POMGNT2: variants seen among roughly 807,000 people sequenced by gnomAD.
POMGNT2 encodes the protein protein O-linked-mannose beta-1,4-N-acetylglucosaminyltransferase 2.
POMGNT2 carries 32 observed loss-of-function variants against 37.8 expected under a neutral mutation model. The observed-to-expected ratio is 0.85, with a 90% confidence interval of 0.64 to 1.14. The LOEUF is 1.14. POMGNT2 is among the 50% of genes most tolerant of loss of function. POMGNT2 has a pLI of 0.00. For missense variants in POMGNT2, 705 were observed against 780.6 expected (o/e 0.90, Z 1.15); for synonymous variants, 340 against 336.8 (o/e 1.01, Z -0.10).
intron 1 of POMGNT2, among the ~76,000 whole-genome samples, chr3:43,102,304 A>G (rs1242131955): frequency 1.3e-5 from 2 of 152,232 alleles, no homozygotes; most frequent in Non-Finnish European, 2.9e-5. Flanking sequence ...CTCAGGGCTG[A>G]GGAGCAACTA....
intron 1 of POMGNT2, among the ~76,000 whole-genome samples, chr3:43,083,004 C>T (rs935638898): frequency 6.6e-6 from 1 of 152,106 alleles, no homozygotes; most frequent in Non-Finnish European, 1.5e-5. Flanking sequence ...AGTATGGAAG[C>T]TGGGATACAT....
chr3:43,095,001 G>A (rs890363377), intron 1 of POMGNT2, among the ~76,000 whole-genome samples: 8 of 152,318 alleles, frequency 5.3e-5, no homozygotes, highest in East Asian at 3.9e-4. Context: ...CTCCTGCTGC[G>A]TCTCAGTGCT....
chr3:43,102,593 C>T (rs564582797), intron 1 of POMGNT2, among the ~76,000 whole-genome samples: 5 of 152,304 alleles, frequency 3.3e-5, no homozygotes, highest in East Asian at 1.9e-4. Flanking sequence ...ATGCGAGAGG[C>T]GCTGTCTTAA....
intron 1 of POMGNT2, among the ~76,000 whole-genome samples, chr3:43,099,121 TGG>T (rs1355103081): frequency 6.6e-6 from 1 of 152,076 alleles, no homozygotes; most frequent in Non-Finnish European, 1.5e-5. Flanking sequence ...GTTTTCTAGG[TGG>T]AACTACAAAA....
At chr3:43,103,641 C>A (rs1041733322) in intron 1 of POMGNT2, among the ~76,000 whole-genome samples, 1 of 152,100 alleles carries the variant, frequency 6.6e-6, no homozygotes, top group East Asian at 1.9e-4. Flanking sequence ...CCACTTGGTG[C>A]GGGAAGACTC....
At position 43,106,068 on chromosome 3, in the gene POMGNT2, C is replaced by A. The variant is rs1047699046; in HGVS notation, c.-338G>T. The A allele has an allele frequency of 3.0e-4, 46 of 151,862 alleles. No individual in the cohort carries two copies. The highest frequency in any genetic ancestry group is 1.0e-3 in the African/African-American group (43 of 41,484). 9.4% of individuals were successfully genotyped at this position (151,862 alleles called of 1,614,324 possible). A position where few individuals can be genotyped will look rare whatever the true frequency, so the allele number is the denominator to read the frequency against. Reference sequence around the variant, plus strand: ...GCCTGCCCGGCGGGCGAGCCCGGCGCGGAGCCTGTGCGCCTGCGCAGAGCC... The same window carrying A: ...GCCTGCCCGGCGGGCGAGCCCGGCGAGGAGCCTGTGCGCCTGCGCAGAGCC... On this transcript the variant is annotated 5_prime_UTR_variant, in exon 1 of 2. Transcript: ENST00000344697.
chr3:43,095,181 C>CA (rs2125709265), intron 1 of POMGNT2, among the ~76,000 whole-genome samples: 1 of 152,358 alleles, frequency 6.6e-6, no homozygotes, highest in East Asian at 1.9e-4. Context: ...TGCTGCCTCT[C>CA]AGAGACAAGG....
chr3:43,091,178 C>G (rs1345859400), intron 1 of POMGNT2, among the ~76,000 whole-genome samples: 2 of 152,062 alleles, frequency 1.3e-5, no homozygotes, highest in African/African-American at 4.8e-5. Flanking sequence ...GGAACCAGAG[C>G]TCCTTGGAGA....
At position 43,079,423 on chromosome 3, in the gene POMGNT2, T is replaced by C; in HGVS notation, c.*266A>G. The C allele has an allele frequency of 2.3e-6, 1 of 430,620 alleles. No individual in the cohort carries two copies. The highest frequency in any genetic ancestry group is 4.1e-6 in the Non-Finnish European group (1 of 243,144). 26.7% of individuals were successfully genotyped at this position (430,620 alleles called of 1,614,324 possible). A position where few individuals can be genotyped will look rare whatever the true frequency, so the allele number is the denominator to read the frequency against. On this transcript the variant is annotated 3_prime_UTR_variant, in exon 2 of 2. Transcript: ENST00000344697. ...CTAGCCAGAGGTTCCTTGTGATTCT[T>C]TGCTTCCTCCTCTCCTCTTCCTCCT...
chr3:43,105,099 T>C lies in POMGNT2; in HGVS notation c.-106+737A>G, dbSNP rs1247739100. ...GCTTCTCCCAAGAGTACGCTCTAAG[T>C]GTTGGCTGGCAATAAAGTAGGCAGA... On this transcript the variant is annotated intron_variant, in intron 1 of 1. Transcript: ENST00000344697. 4.6e-5 allele frequency among the ~76,000 whole-genome samples: 7 copies of C among 152,202 alleles called. No homozygotes were observed. In the East Asian group the frequency reaches 1.3e-3, roughly 29 times the overall value.
chr3:43,103,012 G>A (rs1200725103), intron 1 of POMGNT2, among the ~76,000 whole-genome samples: 1 of 152,058 alleles, frequency 6.6e-6, no homozygotes, highest in East Asian at 1.9e-4. Flanking sequence ...GTGGCTTAGG[G>A]AGCTGTGGCC....
intron 1 of POMGNT2, among the ~76,000 whole-genome samples, chr3:43,081,746 T>A (rs2089858426): frequency 6.6e-6 from 1 of 152,212 alleles, no homozygotes; most frequent in Non-Finnish European, 1.5e-5. Flanking sequence ...TGTTGGAAAG[T>A]GCATCCCCAC....
At position 43,098,862 on chromosome 3, in the gene POMGNT2, T is replaced by A. The variant is rs973993235; in HGVS notation, c.-106+6974A>T. On this transcript the variant is annotated intron_variant, in intron 1 of 1. Transcript: ENST00000344697. This position sits in a 1 kb window ranked among gnomAD's most constrained non-coding sequence, Gnocchi z 4.3. ...GGACGTTCGGCCTTCCACCAGCTCA[T>A]ATGCAACCCTCTCACCGGTTTTCAG... Among the ~76,000 whole-genome samples the A allele has an allele frequency of 6.6e-6, 1 of 151,962 alleles. No individual in the cohort carries two copies. The highest frequency in any genetic ancestry group is 1.5e-5 in the Non-Finnish European group (1 of 67,982).
At chr3:43,085,080 G>C (rs1575465504) in intron 1 of POMGNT2, among the ~76,000 whole-genome samples, 1 of 152,208 alleles carries the variant, frequency 6.6e-6, no homozygotes, top group East Asian at 1.9e-4. Context: ...GTGGCTGGGA[G>C]GGGGAGGGAT....
At chr3:43,090,100 A>T (rs1190034954) in intron 1 of POMGNT2, among the ~76,000 whole-genome samples, 1 of 151,766 alleles carries the variant, frequency 6.6e-6, no homozygotes, top group Non-Finnish European at 1.5e-5. Flanking sequence ...ATCTAATTAA[A>T]CTCAGTGTTT....
intron 1 of POMGNT2, among the ~76,000 whole-genome samples, chr3:43,082,261 C>G (rs2089862849): frequency 6.6e-6 from 1 of 152,132 alleles, no homozygotes; most frequent in African/African-American, 2.4e-5. Flanking sequence ...GAACACTGTT[C>G]CCAGGTTGCA....
At position 43,106,072 on chromosome 3, in the gene POMGNT2, G is replaced by A. The variant is rs2090058618; in HGVS notation, c.-342C>T. The A allele has an allele frequency of 6.6e-6, 1 of 151,828 alleles. No individual in the cohort carries two copies. The highest frequency in any genetic ancestry group is 6.6e-5 in the Admixed American group (1 of 15,256). 9.4% of individuals were successfully genotyped at this position (151,828 alleles called of 1,614,324 possible). ...GCCCGGCGGGCGAGCCCGGCGCGGA[G>A]CCTGTGCGCCTGCGCAGAGCCGCGA... On this transcript the variant is annotated 5_prime_UTR_variant, in exon 1 of 2. Transcript: ENST00000344697.
chr3:43,081,665 A>G (rs971270712), intron 1 of POMGNT2, 129 bp from the exon 2 acceptor site: 1 of 529,560 alleles, frequency 1.9e-6, no homozygotes, highest in East Asian at 3.1e-5. Context: ...CCTTGCAGCC[A>G]TTGTGCACAT....
At chr3:43,101,892 A>G (rs1366177900) in intron 1 of POMGNT2, among the ~76,000 whole-genome samples, 1 of 152,050 alleles carries the variant, frequency 6.6e-6, no homozygotes, top group East Asian at 1.9e-4. Flanking sequence ...CTTCCCACAC[A>G]AAGTGCACCA....
Sources: gnomAD v4.1 joint callset for allele counts (sites outside exome capture counted in the v4.1 genomes callset) on GRCh38, gnomAD v4.1.1 for gene constraint, Gnocchi (gnomAD v3.1) non-coding constraint, MANE v1.5 for transcripts, NCBI Gene and HGNC (gene_info 2026-07-23, HGNC 2026-07-21) for gene names.